The following TJP1 variants were observed in gnomAD, a reference collection of about 807,000 sequenced individuals.
TJP1 encodes tight junction protein ZO-1.
TJP1 carries 43 observed loss-of-function variants against 194.2 expected under a neutral mutation model. That is an observed-to-expected ratio of 0.22 (90% CI 0.17 to 0.29). The LOEUF is 0.29. Among genes scored for constraint, TJP1 ranks in the 10% least tolerant of loss-of-function variants. The pLI is 1.00. For synonymous variants in TJP1, 801 were observed against 779.0 expected, an observed-to-expected ratio of 1.03 and a Z score of -0.47; for missense variants, 1,971 against 2,185.7, an observed-to-expected ratio of 0.90 and a Z score of 1.96.
At chr15:29,817,841 C>T (rs2050038139) in intron 1 of TJP1, among the ~76,000 whole-genome samples, 1 of 151,944 alleles carries the variant, frequency 6.6e-6, no homozygotes, top group East Asian at 1.9e-4. Flanking sequence ...GGGCCTGTTA[C>T]CCGGGTTGGT....
intron 2 of TJP1, among the ~76,000 whole-genome samples, chr15:29,922,115 G>A (rs1253285337): frequency 3.3e-5 from 5 of 152,160 alleles, no homozygotes; most frequent in South Asian, 4.2e-4. Flanking sequence ...CCAAAGTGTC[G>A]GGATTACAGG....
intron 2 of TJP1, among the ~76,000 whole-genome samples, chr15:29,876,598 G>A (rs1344895607): frequency 2.0e-5 from 3 of 152,130 alleles, no homozygotes; most frequent in East Asian, 3.9e-4. Flanking sequence ...TATTTTATGT[G>A]TGGCTGAAGA....
rs1453927377 is a variant in TJP1 at position 29,719,058 on chromosome 15, C to T, written c.3084G>A (p.Gly1028=). ...GATTAGGCTCTTTGTCTGGCCTGTGCCCTGGGTGACTAACGGCTGGCTGTT... is the reference window on the plus strand; with the variant it reads ...GATTAGGCTCTTTGTCTGGCCTGTGTCCTGGGTGACTAACGGCTGGCTGTT... The part of the protein sequence containing the change: ...VLKQPAVSHP[G]HRPDKEPNLT... The change falls in exon 21 of 28, where the codon GGG becomes GGA. Residue 1028 remains glycine (G), a synonymous_variant. Coordinates refer to ENST00000614355, the MANE Select transcript of TJP1 (RefSeq NM_001330239.4). 2.5e-6 allele frequency: 4 copies of T among 1,614,066 alleles called. No homozygotes were observed. In the South Asian group the frequency reaches 4.4e-5, roughly 18 times the overall value.
At chr15:29,943,887 G>T (rs543678830) in intron 2 of TJP1, among the ~76,000 whole-genome samples, 1 of 151,658 alleles carries the variant, frequency 6.6e-6, no homozygotes, top group African/African-American at 2.4e-5. Flanking sequence ...GGCAGAGGTT[G>T]CAGTGAGCCA....
At chr15:29,948,811 G>A (rs757455840) in intron 2 of TJP1, among the ~76,000 whole-genome samples, 2 of 151,944 alleles carry the variant, frequency 1.3e-5, no homozygotes, top group Non-Finnish European at 2.9e-5. Flanking sequence ...TCTGTTATTT[G>A]CAAACAGGAA....
At chr15:29,876,950 A>G (rs2052723648) in intron 2 of TJP1, among the ~76,000 whole-genome samples, 1 of 152,184 alleles carries the variant, frequency 6.6e-6, no homozygotes, top group South Asian at 2.1e-4. Context: ...CAGTGAAGCA[A>G]AAATGCTCAA....
Position 29,726,966 on chromosome 15 carries a change from G to T in TJP1, c.2126C>A (p.Thr709Lys). Residue 709 changes from threonine to lysine, a missense_variant, in exon 17 of 28, where the codon ACA becomes AAA. Physicochemically the swap from Thr to Lys is moderately conservative, Grantham distance 78. This residue lies in a region of TJP1 where 402 missense variants were observed against 484.2 expected (regional missense o/e 0.83). Coordinates refer to ENST00000614355, the MANE Select transcript of TJP1 (RefSeq NM_001330239.4). ...GTTAAGACGATCAACTGCATTTGGT[G>T]TTACATCTAATAAAGCATGTTTGTC... Reference protein sequence around the residue: ...DQDKHALLDVTPNAVDRLNYA... With the variant: ...DQDKHALLDVKPNAVDRLNYA... 1 of 1,614,086 alleles carries T rather than the reference G, an allele frequency of 6.2e-7. No homozygotes were observed. The highest frequency in any genetic ancestry group is 8.5e-7 in the Non-Finnish European group (1 of 1,179,984).
chr15:29,723,666 A>T (rs1490196176), intron 18 of TJP1, among the ~76,000 whole-genome samples: 1 of 152,250 alleles, frequency 6.6e-6, no homozygotes, highest in African/African-American at 2.4e-5. Context: ...TACATTAAGA[A>T]GAAATTATTT....
intron 2 of TJP1, among the ~76,000 whole-genome samples, chr15:29,875,901 C>A (rs2052681680): frequency 2.0e-5 from 3 of 152,208 alleles, no homozygotes; most frequent in Admixed American, 2.0e-4. Context: ...TGTCACCAGG[C>A]TCCCTGTGAG....
chr15:29,720,242 G>T, intron 19 of TJP1, 116 bp downstream of exon 19: 1 of 1,134,838 alleles, frequency 8.8e-7, no homozygotes, highest in Non-Finnish European at 1.2e-6. Flanking sequence ...AATTGAAATT[G>T]AAGATTAATT....
At chr15:29,738,261 C>T (rs1454588748) in intron 10 of TJP1, among the ~76,000 whole-genome samples, 1 of 152,086 alleles carries the variant, frequency 6.6e-6, no homozygotes, top group Non-Finnish European at 1.5e-5. Context: ...AGAAAATACA[C>T]TATTTTACCT....
chr15:29,730,420 A>AAATAAT (rs373108847), intron 15 of TJP1, among the ~76,000 whole-genome samples: 107 of 150,688 alleles, frequency 7.1e-4, no homozygotes, highest in African/African-American at 2.3e-3. Context: ...GTTTCTACAA[A>AAATAAT]AATAATAATA....
intron 2 of TJP1, among the ~76,000 whole-genome samples, chr15:29,949,608 C>CAA (rs1567225584): frequency 1.2e-5 from 1 of 82,572 alleles, no homozygotes; most frequent in African/African-American, 4.4e-5. Flanking sequence ...ACCACCTCCA[C>CAA]CTTCACCACC....
Position 29,770,805 on chromosome 15 carries a change from G to A in TJP1, c.312+1259C>T, listed in dbSNP as rs992607991. Among the ~76,000 whole-genome samples, 9 of 151,936 alleles carry A rather than the reference G, an allele frequency of 5.9e-5. 1 individual carries two copies. The highest frequency in any genetic ancestry group is 2.0e-4 in the Admixed American group (3 of 15,270). On this transcript the variant is annotated intron_variant, in intron 4 of 27. Transcript: ENST00000614355. ...AAGTTTATAGGTTAAAAAAGTTTCAGTAAGCTAAGGTTTATTATTGAAGAA... is the reference window on the plus strand; with the variant it reads ...AAGTTTATAGGTTAAAAAAGTTTCAATAAGCTAAGGTTTATTATTGAAGAA...
chr15:29,703,439 A>C (rs563751057), intron 27 of TJP1, among the ~76,000 whole-genome samples: 1 of 152,220 alleles, frequency 6.6e-6, no homozygotes, highest in Admixed American at 6.5e-5. Flanking sequence ...CTCCACCTCA[A>C]AAAACCAAAT....
rs11464931 is a variant in TJP1, at chr15:29,700,721, CAAA to C, written c.*871_*873del. On this transcript the variant is annotated 3_prime_UTR_variant, in exon 28 of 28. Coordinates refer to ENST00000614355, the MANE Select transcript of TJP1 (RefSeq NM_001330239.4). ...ACAGAAAACCACCACTGCCCCTTGTCAAAAAAAAAAAAAAAGAAAAGAAAAGAA... is the reference window on the plus strand; with the variant it reads ...ACAGAAAACCACCACTGCCCCTTGTCAAAAAAAAAAAAGAAAAGAAAAGAA... The C allele has an allele frequency of 2.1e-3, 294 of 142,226 alleles. No homozygotes were observed. Among genetic ancestry groups the C allele is most frequent in the East Asian group, 3.7e-3 (23 of 6,250 alleles). The allele number at this position is 142,226 out of a possible 1,614,324, so 8.8% of individuals were successfully genotyped here. A position where few individuals can be genotyped will look rare whatever the true frequency, so the allele number is the denominator to read the frequency against.
In TJP1 at chr15:29,780,662, G is replaced by A. The variant is rs568907502; in HGVS notation, c.85-7305C>T. ...GCAGACAATAAAAGTATGCCTGAAA[G>A]AAGGCTTAAAAGAGGGAGAGGATTA... On this transcript the variant is annotated intron_variant, in intron 2 of 27. Transcript: ENST00000614355. Among the ~76,000 whole-genome samples, 201 of 152,226 alleles carry A rather than the reference G, an allele frequency of 1.3e-3. 1 individual carries two copies. The highest frequency in any genetic ancestry group is 6.2e-3 in the South Asian group (30 of 4,810).
intron 2 of TJP1, among the ~76,000 whole-genome samples, chr15:29,951,453 C>A (rs1384981274): frequency 2.6e-5 from 4 of 152,050 alleles, no homozygotes; most frequent in Admixed American, 6.6e-5. Flanking sequence ...CAGGCATGAA[C>A]CTCCGTGCCT....
chr15:29,741,991 G>A (rs144941256), intron 9 of TJP1, among the ~76,000 whole-genome samples: 12 of 152,280 alleles, frequency 7.9e-5, no homozygotes, highest in African/African-American at 1.9e-4. Context: ...AGGAAGCTGA[G>A]GTGGGAGGAC....
Sources: gnomAD v4.1 joint callset for allele counts (sites outside exome capture counted in the v4.1 genomes callset) on GRCh38, gnomAD v4.1.1 for gene constraint, gnomAD v4.1.1 regional missense constraint, MANE v1.5 for transcripts, NCBI Gene and HGNC (gene_info 2026-07-23, HGNC 2026-07-21) for gene names.